Variants in HDAC9 observed in about 807,000 individuals in gnomAD.
HDAC9 encodes the protein MEF-2 interacting transcription repressor (MITR) protein.
HDAC9 carries 41 observed loss-of-function variants against 139.4 expected under a neutral mutation model. The observed-to-expected ratio is 0.29, with a 90% CI of 0.23 to 0.38. HDAC9 has a LOEUF of 0.38. HDAC9 is among the 10% of genes least tolerant of loss of function. The pLI is 1.00. For missense variants in HDAC9, 1,147 were observed against 1,297.0 expected, an observed-to-expected ratio of 0.88 and a Z score of 1.78; for synonymous variants, 517 against 476.2, an observed-to-expected ratio of 1.09 and a Z score of -1.12.
upstream of HDAC9, among the ~76,000 whole-genome samples, chr7:18,492,421 G>T (rs956839718): frequency 2.0e-5 from 3 of 151,774 alleles, no homozygotes; most frequent in African/African-American, 7.3e-5. Flanking sequence ...GAAAGAAATT[G>T]GATTATGGTA....
chr7:18,382,520 G>A (rs1785530214), intron 1 of HDAC9, among the ~76,000 whole-genome samples: 1 of 152,368 alleles, frequency 6.6e-6, no homozygotes, highest in Middle Eastern at 3.4e-3. Flanking sequence ...AAGCCCTGGA[G>A]ATCAAACTGT....
intron 1 of HDAC9, among the ~76,000 whole-genome samples, chr7:18,099,388 G>A (rs1414075183): frequency 6.6e-6 from 1 of 151,890 alleles, no homozygotes; most frequent in Non-Finnish European, 1.5e-5. Context: ...GAATCGTTTG[G>A]ACCCTGGAGG....
At chr7:18,112,709 A>G (rs2697902) in intron 1 of HDAC9, among the ~76,000 whole-genome samples, 86,558 of 152,058 alleles carry the variant, frequency 0.57, 26,963 homozygotes, top group Non-Finnish European at 0.69. Flanking sequence ...TTTTAGTACA[A>G]TTTATAATGA....
chr7:18,382,147 A>G (rs1216305011), intron 1 of HDAC9, among the ~76,000 whole-genome samples: 3 of 152,198 alleles, frequency 2.0e-5, no homozygotes, highest in Non-Finnish European at 2.9e-5. Context: ...AATATCCAAA[A>G]TATGTTCTAT....
chr7:18,767,239 GTTAT>G (rs1789909191), intron 16 of HDAC9, 84 bp downstream of exon 16: 1 of 744,086 alleles, frequency 1.3e-6, no homozygotes, highest in Non-Finnish European at 2.1e-6. Flanking sequence ...CAGTTTTAGG[GTTAT>G]TTCTCAGTAA....
intron 6 of HDAC9, among the ~76,000 whole-genome samples, chr7:18,628,183 A>G (rs1842194515): frequency 6.6e-6 from 1 of 152,174 alleles, no homozygotes; most frequent in African/African-American, 2.4e-5. Flanking sequence ...ATGATAATAC[A>G]TAAGGAAAGC....
At chr7:18,271,781 A>T (rs991143332) in intron 2 of HDAC9, among the ~76,000 whole-genome samples, 2 of 152,166 alleles carry the variant, frequency 1.3e-5, no homozygotes, top group Non-Finnish European at 2.9e-5. Flanking sequence ...CCCTCCTTTG[A>T]TACCTGCCTT....
chr7:18,358,600 A>G (rs764142796), intron 1 of HDAC9, among the ~76,000 whole-genome samples: 1 of 152,208 alleles, frequency 6.6e-6, no homozygotes, highest in Non-Finnish European at 1.5e-5. Flanking sequence ...AGATGAGAAC[A>G]TGAAGAACTT....
intron 12 of HDAC9, among the ~76,000 whole-genome samples, chr7:18,724,727 C>A (rs1382506751): frequency 6.6e-6 from 1 of 152,130 alleles, no homozygotes; most frequent in Admixed American, 6.5e-5. Flanking sequence ...CTATCCTTGA[C>A]CAAAATGTTG....
chr7:18,109,752 C>T (rs1282985089), intron 1 of HDAC9, among the ~76,000 whole-genome samples: 1 of 152,076 alleles, frequency 6.6e-6, no homozygotes, highest in African/African-American at 2.4e-5. Flanking sequence ...ACCAAGTTAC[C>T]AGTACTTACA....
chr7:18,881,522 G>C (rs562466353), intron 22 of HDAC9, among the ~76,000 whole-genome samples: 1 of 152,116 alleles, frequency 6.6e-6, no homozygotes, highest in South Asian at 2.1e-4. Context: ...GAAGTTGACT[G>C]CTTTTTTTCT....
chr7:18,807,149 T>G (rs918141237), intron 17 of HDAC9, among the ~76,000 whole-genome samples: 1 of 152,180 alleles, frequency 6.6e-6, no homozygotes, highest in African/African-American at 2.4e-5. Flanking sequence ...GCTTCAGATT[T>G]TCTGTTTCTT....
At chr7:18,533,506 C>A (rs926349516) in intron 2 of HDAC9, among the ~76,000 whole-genome samples, 1 of 151,944 alleles carries the variant, frequency 6.6e-6, no homozygotes, top group Non-Finnish European at 1.5e-5. Flanking sequence ...GGGCATAGAA[C>A]CCTTGTGGAA....
At chr7:18,468,554 C>G (rs1008600176) in intron 1 of HDAC9, among the ~76,000 whole-genome samples, 11 of 152,062 alleles carry the variant, frequency 7.2e-5, no homozygotes, top group African/African-American at 2.4e-4. Flanking sequence ...AAGTGAATCT[C>G]CTTCCTCAGT....
chr7:18,478,244 T>C (rs1302944019), intron 1 of HDAC9, among the ~76,000 whole-genome samples: 1 of 152,126 alleles, frequency 6.6e-6, no homozygotes, highest in Non-Finnish European at 1.5e-5. Flanking sequence ...GGTAATATTT[T>C]GTATTTTTAG....
At chr7:18,993,727 C>T (rs1355339372) in intron 25 of HDAC9, among the ~76,000 whole-genome samples, 4 of 151,864 alleles carry the variant, frequency 2.6e-5, no homozygotes, top group African/African-American at 9.7e-5. Context: ...GGCTTGAGCC[C>T]GGGAGGTTGA....
At chr7:18,479,848 A>T (rs1795404411) in intron 1 of HDAC9, among the ~76,000 whole-genome samples, 1 of 152,034 alleles carries the variant, frequency 6.6e-6, no homozygotes, top group Non-Finnish European at 1.5e-5. Context: ...TTATTATATT[A>T]CATAATATTG....
At chr7:18,957,481 A>T (rs1783234304) in intron 24 of HDAC9, among the ~76,000 whole-genome samples, 1 of 152,068 alleles carries the variant, frequency 6.6e-6, no homozygotes, top group Admixed American at 6.6e-5. Flanking sequence ...CTTCCATTTC[A>T]CCTGCTCCTT....
At chr7:18,148,339 T>C (rs966152209) in intron 1 of HDAC9, among the ~76,000 whole-genome samples, 2 of 152,214 alleles carry the variant, frequency 1.3e-5, no homozygotes, top group South Asian at 2.1e-4. Flanking sequence ...CCTTGGATCA[T>C]GGTCTCTCTC....
Sources: allele counts gnomAD v4.1 joint callset (sites outside exome capture counted in the v4.1 genomes callset), GRCh38; gene constraint gnomAD v4.1.1; transcripts MANE v1.5; gene names NCBI Gene and HGNC (gene_info 2026-07-23, HGNC 2026-07-21).